PPP2R1A: variants seen among roughly 807,000 people sequenced by gnomAD.
PPP2R1A encodes protein phosphatase 2 scaffold subunit Aalpha.
Under a neutral mutation model 67.1 loss-of-function variants are expected in PPP2R1A, and 15 were observed. The ratio of observed to expected loss-of-function variants is 0.22; its 90% CI spans 0.15 to 0.34. The LOEUF (loss-of-function observed/expected upper bound fraction) is 0.34, where lower values mean the gene tolerates loss of function less well. Among genes scored for constraint, PPP2R1A ranks in the 10% least tolerant of loss-of-function variants. The probability of loss-of-function intolerance (pLI) is 1.00; values close to 1 mark genes in which losing one functional copy is unlikely to be tolerated. For missense variants in PPP2R1A, 369 were observed against 775.0 expected, an observed-to-expected ratio of 0.48 and a Z score of 6.22; for synonymous variants, 337 against 325.0, an observed-to-expected ratio of 1.04 and a Z score of -0.40.
chr19:52,209,424 G>C (rs1231314692), intron 3 of PPP2R1A, among the ~76,000 whole-genome samples: 1 of 152,128 alleles, frequency 6.6e-6, no homozygotes, highest in Admixed American at 6.5e-5. Context: ...CATTATGCTG[G>C]CTTGCTTAGT....
At chr19:52,192,049 A>G (rs1330979576) in intron 1 of PPP2R1A, among the ~76,000 whole-genome samples, 1 of 152,158 alleles carries the variant, frequency 6.6e-6, no homozygotes, top group Non-Finnish European at 1.5e-5. Context: ...AGGGAGACAA[A>G]TAAAAATAAG....
Position 52,205,953 on chromosome 19 carries a change from G to C in PPP2R1A, c.170-10G>C. The C allele has an allele frequency of 6.2e-7, 1 of 1,610,094 alleles. No homozygotes were observed. Among genetic ancestry groups the C allele is most frequent in the African/African-American group, 1.3e-5 (1 of 74,960 alleles). ...ATGGGATAGTCACGAAGTCTGTCTT[G>C]GTTCCACAGATACCATCTATGATGA... On this transcript the variant is annotated splice_polypyrimidine_tract_variant and intron_variant, in intron 2 of 14. Coordinates refer to ENST00000322088, the MANE Select transcript of PPP2R1A (RefSeq NM_014225.6).
Position 52,213,457 on chromosome 19 carries a change from G to GTTTTTTTT in PPP2R1A, c.807+370_807+377dup, listed in dbSNP as rs398035011. On this transcript the variant is annotated intron_variant, in intron 6 of 14. Coordinates refer to ENST00000322088, the MANE Select transcript of PPP2R1A (RefSeq NM_014225.6). This position sits in a 1 kb window ranked among gnomAD's most constrained non-coding sequence, Gnocchi z 4.2. ...GCCCAAAAAGGTGGGGTTTTTTGGT[G>GTTTTTTTT]TTTTTTTTTTTTTTTTTTTTTTTTT... 1.5e-4 allele frequency among the ~76,000 whole-genome samples: 11 copies of GTTTTTTTT among 71,758 alleles called. No individual in the cohort carries two copies. In the East Asian group the frequency reaches 2.9e-3, roughly 19 times the overall value. The allele number at this position is 71,758 out of a possible 152,430, so 47.1% of individuals were successfully genotyped here. A position where few individuals can be genotyped will look rare whatever the true frequency, so the allele number is the denominator to read the frequency against.
chr19:52,222,282 T>C lies in PPP2R1A; in HGVS notation c.1661+41T>C, dbSNP rs745306995. 5 of 1,594,086 alleles carry C rather than the reference T, an allele frequency of 3.1e-6. No homozygotes were observed. The African/African-American group carries it at 4.0e-5, about 13-fold the overall frequency. On this transcript the variant is annotated intron_variant, in intron 13 of 14. Transcript: ENST00000322088. ...TCCCCCACACACTGGCAGGGGCTTC[T>C]TGTGGGCACCTTAATCTTTGACCTT...
At chr19:52,218,179 T>C (rs966022639) in intron 9 of PPP2R1A, among the ~76,000 whole-genome samples, 2 of 152,192 alleles carry the variant, frequency 1.3e-5, no homozygotes, top group African/African-American at 4.8e-5. Context: ...TCCCAAAAGA[T>C]GGGAAGTGTG....
chr19:52,203,701 C>A (rs73935024), intron 2 of PPP2R1A, among the ~76,000 whole-genome samples: 1 of 152,150 alleles, frequency 6.6e-6, no homozygotes, highest in African/African-American at 2.4e-5. Context: ...AGTTCTGACA[C>A]GTCTGCCCAG....
rs199886192 is a variant in PPP2R1A, at chr19:52,220,156, C to T, written c.1303-33C>T. The T allele has an allele frequency of 8.8e-4, 1,419 of 1,607,014 alleles. 2 individuals are homozygous for T. Among genetic ancestry groups the T allele is most frequent in the Non-Finnish European group, 1.2e-3 (1,363 of 1,173,744 alleles). The stretch of plus-strand genomic sequence containing the variant: ...GCTCCCCCTGTTTGCTCTCCTGGAA[C>T]GCTTACCTTGGAACCCTTGGTTTCT... On this transcript the variant is annotated intron_variant, in intron 10 of 14. Transcript: ENST00000322088.
intron 9 of PPP2R1A, among the ~76,000 whole-genome samples, chr19:52,217,242 A>G (rs925823234): frequency 6.6e-6 from 1 of 152,228 alleles, no homozygotes; most frequent in Non-Finnish European, 1.5e-5. Flanking sequence ...TCTATTGCCC[A>G]CACTGCAGTG....
At chr19:52,198,672 G>A (rs1338044741) in intron 1 of PPP2R1A, among the ~76,000 whole-genome samples, 1 of 152,148 alleles carries the variant, frequency 6.6e-6, no homozygotes, top group Non-Finnish European at 1.5e-5. Context: ...TTCCTCTTTG[G>A]TTTTTATGGA....
In PPP2R1A at chr19:52,227,527, G is replaced by GT. The variant is rs1185474351; in HGVS notation, c.*1547dup. The GT allele has an allele frequency of 6.6e-6, 1 of 152,308 alleles. No homozygotes were observed. The highest frequency in any genetic ancestry group is 1.5e-5 in the Non-Finnish European group (1 of 68,100). 9.4% of individuals were successfully genotyped at this position (152,308 alleles called of 1,614,324 possible). ...CACCCTGGAGAAAGGAGCAAGGGAC[G>GT]TATGGCTGGTGGTGTCTGCATGGAA... On this transcript the variant is annotated 3_prime_UTR_variant, in exon 15 of 15. Coordinates refer to ENST00000322088, the MANE Select transcript of PPP2R1A (RefSeq NM_014225.6).
In PPP2R1A at chr19:52,220,221, C is replaced by T. The variant is rs1298281898; in HGVS notation, c.1335C>T (p.Ser445=). 6.2e-7 allele frequency: 1 copy of T among 1,614,032 alleles called. No homozygotes were observed. Among genetic ancestry groups the T allele is most frequent in the Non-Finnish European group, 8.5e-7 (1 of 1,179,992 alleles). The stretch of plus-strand genomic sequence containing the variant: ...AGTTCTTTGATGAGAAACTTAACTC[C>T]TTGTGCATGGCCTGGCTTGTGGATC... ...GVEFFDEKLN[S]LCMAWLVDHV... is the part of the protein sequence containing the mutation. Residue 445 remains serine, a synonymous_variant, in exon 11 of 15, where the codon TCC becomes TCT. Coordinates refer to ENST00000322088, the MANE Select transcript of PPP2R1A (RefSeq NM_014225.6).
Position 52,219,875 on chromosome 19 carries a change from A to T in PPP2R1A, c.1302+11A>T, listed in dbSNP as rs760287653. The T allele has an allele frequency of 3.1e-5, 50 of 1,606,110 alleles. 1 individual carries two copies. In the South Asian group the frequency reaches 5.3e-4, roughly 17 times the overall value. On this transcript the variant is annotated intron_variant, in intron 10 of 14. Coordinates refer to ENST00000322088, the MANE Select transcript of PPP2R1A (RefSeq NM_014225.6). The surrounding 1 kb of genome is among the most constrained non-coding windows in gnomAD (Gnocchi z 4.0). ...CTGGCTGGACAGCTGGTGAGTGAGG[A>T]GGCCTGGGGGCCAGGCAGTGCTGCC...
chr19:52,190,070 G>A lies in PPP2R1A; in HGVS notation c.-27G>A. 3 of 1,543,360 alleles carry A rather than the reference G, an allele frequency of 1.9e-6. No individual in the cohort carries two copies. The South Asian group carries it at 3.6e-5, about 18-fold the overall frequency. On this transcript the variant is annotated 5_prime_UTR_variant, in exon 1 of 15. Coordinates refer to ENST00000322088, the MANE Select transcript of PPP2R1A (RefSeq NM_014225.6). ...ACGTTTCAGCACAGCGCTGGCCGCA[G>A]TCTGACAGGAAAGGGACGGAGCCAA... is the stretch of plus-strand genomic sequence containing the variant.
intron 3 of PPP2R1A, among the ~76,000 whole-genome samples, chr19:52,208,899 C>G (rs896836728): frequency 5.9e-5 from 9 of 152,230 alleles, no homozygotes. Flanking sequence ...GCGGTTCACA[C>G]TCTTCCCTAC....
rs2089667987 is a variant in PPP2R1A, at chr19:52,211,343, G to A, written c.354G>A (p.Glu118=). The A allele has an allele frequency of 2.5e-6, 4 of 1,614,088 alleles. No individual in the cohort carries two copies. Among genetic ancestry groups the A allele is most frequent in the Non-Finnish European group, 2.5e-6 (3 of 1,179,968 alleles). The change falls in exon 4 of 15, where the codon GAG becomes GAA. Residue 118 remains glutamate (E), a synonymous_variant. Transcript: ENST00000322088. The surrounding 1 kb of genome is among the most constrained non-coding windows in gnomAD (Gnocchi z 5.3). ...AVESLRAISH[E]HSPSDLEAHF... ...AGTCCTTACGGGCCATCTCACACGA[G>A]CACTCGCCCTCTGACCTGGAGGCGC...
intron 1 of PPP2R1A, among the ~76,000 whole-genome samples, chr19:52,192,873 G>A (rs1252614475): frequency 6.6e-6 from 1 of 152,142 alleles, no homozygotes; most frequent in Non-Finnish European, 1.5e-5. Context: ...CAGGAACCGC[G>A]AGGTGTTCAT....
chr19:52,227,430 G>A lies in PPP2R1A; in HGVS notation c.*1449G>A, dbSNP rs115262405. On this transcript the variant is annotated 3_prime_UTR_variant, in exon 15 of 15. Coordinates refer to ENST00000322088, the MANE Select transcript of PPP2R1A (RefSeq NM_014225.6). ...CACCTGGGAGAATTAAACTGGTCAA[G>A]TGCCTGTTCGTTTAGGGTTTCATCA... 5.3e-4 allele frequency: 80 copies of A among 152,356 alleles called. No homozygotes were observed. The highest frequency in any genetic ancestry group is 1.9e-3 in the African/African-American group (80 of 41,574). The allele number at this position is 152,356 out of a possible 1,614,324, so 9.4% of individuals were successfully genotyped here.
At position 52,213,457 on chromosome 19, in the gene PPP2R1A, GTTT is replaced by G. The variant is rs398035011; in HGVS notation, c.807+375_807+377del. ...GCCCAAAAAGGTGGGGTTTTTTGGT[GTTT>G]TTTTTTTTTTTTTTTTTTTTTTTTT... is the stretch of plus-strand genomic sequence containing the variant. On this transcript the variant is annotated intron_variant, in intron 6 of 14. Coordinates refer to ENST00000322088, the MANE Select transcript of PPP2R1A (RefSeq NM_014225.6). This position sits in a 1 kb window ranked among gnomAD's most constrained non-coding sequence, Gnocchi z 4.2. Among the ~76,000 whole-genome samples, 3,304 of 71,516 alleles carry G rather than the reference GTTT, an allele frequency of 0.046. 55 individuals carry two copies. The highest frequency in any genetic ancestry group is 0.049 in the Non-Finnish European group (1,829 of 37,606). 46.9% of individuals were successfully genotyped at this position (71,516 alleles called of 152,430 possible). A position where few individuals can be genotyped will look rare whatever the true frequency, so the allele number is the denominator to read the frequency against.
chr19:52,224,860 T>C (rs1201246540), intron 13 of PPP2R1A, among the ~76,000 whole-genome samples: 1 of 151,380 alleles, frequency 6.6e-6, no homozygotes, highest in Non-Finnish European at 1.5e-5. Flanking sequence ...CCACCATGCT[T>C]GGCTAATTTT....
Sources: allele counts gnomAD v4.1 joint callset (sites outside exome capture counted in the v4.1 genomes callset), GRCh38; gene constraint gnomAD v4.1.1; non-coding constraint Gnocchi (gnomAD v3.1); transcripts MANE v1.5; gene names NCBI Gene and HGNC (gene_info 2026-07-23, HGNC 2026-07-21).